The following CA2 variants were observed in gnomAD, a reference collection of about 807,000 sequenced individuals.
The protein encoded by CA2 is carbonate dehydratase II.
A neutral mutation model predicts 27.8 loss-of-function variants in CA2; 23 were observed. The observed-to-expected ratio is 0.83, with a 90% CI of 0.59 to 1.17. The LOEUF is 1.17. Ranked by LOEUF, CA2 falls within the 50% of genes most tolerant of loss-of-function variation. The pLI, the probability that CA2 is intolerant of heterozygous loss-of-function variation, is 0.00. For synonymous variants in CA2, 99 were observed against 114.9 expected (o/e 0.86, Z 0.88); for missense variants, 300 against 314.7 (o/e 0.95, Z 0.35).
intron 4 of CA2, among the ~76,000 whole-genome samples, chr8:85,475,371 TAAAAAAAAAAAAAA>T (rs3070396): frequency 4.8e-5 from 2 of 41,362 alleles, no homozygotes; most frequent in Non-Finnish European, 7.7e-5. Flanking sequence ...ACTCTGACTC[TAAAAAAAAAAAAAA>T]AAAAAAAAAA....
intron 6 of CA2, 24 bp downstream of exon 6, chr8:85,477,299 G>C (rs778516521): frequency 5.6e-6 from 9 of 1,613,744 alleles, no homozygotes; most frequent in African/African-American, 1.3e-5. Flanking sequence ...TGACAGGTCT[G>C]TTTACGGGTG....
chr8:85,472,134 G>T (rs1331987774), intron 2 of CA2, among the ~76,000 whole-genome samples: 1 of 152,198 alleles, frequency 6.6e-6, no homozygotes, highest in Admixed American at 6.5e-5. Flanking sequence ...TTGCTACCAT[G>T]TAAGGATATT....
chr8:85,478,763 C>T (rs913301072), intron 6 of CA2, among the ~76,000 whole-genome samples: 3 of 152,212 alleles, frequency 2.0e-5, no homozygotes, highest in Non-Finnish European at 4.4e-5. Context: ...GGATCATGCT[C>T]AGCTCAGGAA....
intron 6 of CA2, among the ~76,000 whole-genome samples, chr8:85,478,775 C>CT (rs2130566861): frequency 6.6e-6 from 1 of 152,314 alleles, no homozygotes; most frequent in Non-Finnish European, 1.5e-5. Flanking sequence ...GCTCAGGAAG[C>CT]TAGGGCTGCA....
At chr8:85,471,801 G>A (rs1298954148) in intron 2 of CA2, among the ~76,000 whole-genome samples, 1 of 151,640 alleles carries the variant, frequency 6.6e-6, no homozygotes, top group African/African-American at 2.4e-5. Context: ...ATGAAAAAAG[G>A]GAATTATTTC....
At chr8:85,473,841 G>C (rs751030020) in intron 3 of CA2, 30 bp downstream of exon 3, 1 of 1,208,010 alleles carries the variant, frequency 8.3e-7, no homozygotes, top group African/African-American at 1.5e-5. Context: ...TTCTTTCCAG[G>C]GAAAAATGTT....
Position 85,481,451 on chromosome 8 carries a change from T to G in CA2, c.*662T>G, listed in dbSNP as rs1811890484. 1.3e-5 allele frequency: 2 copies of G among 152,356 alleles called. No homozygotes were observed. Among genetic ancestry groups the G allele is most frequent in the Non-Finnish European group, 2.9e-5 (2 of 68,040 alleles). The allele number at this position is 152,356 out of a possible 1,614,324, so 9.4% of individuals were successfully genotyped here. A position where few individuals can be genotyped will look rare whatever the true frequency, so the allele number is the denominator to read the frequency against. ...AGACAATATATCATAACTTAATAAA[T>G]ATTGTATTTTAGATATATTCTCTAA... On this transcript the variant is annotated 3_prime_UTR_variant, in exon 7 of 7. Coordinates refer to ENST00000285379, the MANE Select transcript of CA2 (RefSeq NM_000067.3).
intron 4 of CA2, among the ~76,000 whole-genome samples, chr8:85,474,742 G>T (rs1490580838): frequency 6.6e-6 from 1 of 152,194 alleles, no homozygotes; most frequent in Admixed American, 6.5e-5. Flanking sequence ...GATAAAGTAA[G>T]ATCAGGTTCT....
chr8:85,474,721 T>C (rs931173595), intron 4 of CA2: 1 of 394,460 alleles, frequency 2.5e-6, no homozygotes, highest in Non-Finnish European at 4.8e-6. Flanking sequence ...GGCTAGACAG[T>C]ACTATATTAT....
At position 85,474,077 on chromosome 8, in the gene CA2, A is replaced by G. The variant is rs1157008479; in HGVS notation, c.352-247A>G. The G allele has an allele frequency of 1.3e-5, 8 of 606,778 alleles. No homozygotes were observed. The Admixed American group carries it at 2.1e-4, about 16-fold the overall frequency. The allele number at this position is 606,778 out of a possible 1,614,324, so 37.6% of individuals were successfully genotyped here. A position where few individuals can be genotyped will look rare whatever the true frequency, so the allele number is the denominator to read the frequency against. On this transcript the variant is annotated intron_variant, in intron 3 of 6. Coordinates refer to ENST00000285379, the MANE Select transcript of CA2 (RefSeq NM_000067.3). Reference sequence around the variant, plus strand: ...ATCCTGTTTTAACAGAAATTTAGAAATAAAATGTGTGCCTTCTGTCAAAAC... The same window carrying G: ...ATCCTGTTTTAACAGAAATTTAGAAGTAAAATGTGTGCCTTCTGTCAAAAC...
intron 2 of CA2, among the ~76,000 whole-genome samples, chr8:85,466,086 C>T (rs1234142465): frequency 6.9e-6 from 1 of 145,322 alleles, no homozygotes; most frequent in Non-Finnish European, 1.5e-5. Context: ...AACCAATTAC[C>T]GTATTTATTG....
At position 85,465,469 on chromosome 8, in the gene CA2, G is replaced by C. The variant is rs1421828995; in HGVS notation, c.232G>C (p.Val78Leu). 1.9e-6 allele frequency: 3 copies of C among 1,612,526 alleles called. No individual in the cohort carries two copies. In the South Asian group the frequency reaches 3.3e-5, roughly 18 times the overall value. The part of the protein sequence containing the change: ...VEFDDSQDKA[V>L]LKGGPLDGTY... ...GTTTGATGACTCTCAGGACAAAGCA[G>C]GTCAGTGTTTAGAAAATAACTTGTG... is the stretch of plus-strand genomic sequence containing the variant. Residue 78 changes from valine to leucine, a missense_variant and splice_region_variant, in exon 2 of 7, where the codon GTG becomes CTG. This residue lies in a region of CA2 where 122 missense variants were observed against 133.2 expected (regional missense o/e 0.92). Coordinates refer to ENST00000285379, the MANE Select transcript of CA2 (RefSeq NM_000067.3).
chr8:85,465,860 TAGTG>T (rs1251400012), intron 2 of CA2, among the ~76,000 whole-genome samples: 2 of 152,226 alleles, frequency 1.3e-5, no homozygotes, highest in African/African-American at 4.8e-5. Flanking sequence ...AAGTATATCT[TAGTG>T]AGCCTTATCT....
chr8:85,470,971 AT>A (rs1811706133), intron 2 of CA2, among the ~76,000 whole-genome samples: 1 of 152,120 alleles, frequency 6.6e-6, no homozygotes. Flanking sequence ...AATTTCTGCT[AT>A]TTTTTAAAAT....
chr8:85,475,150 T>G (rs1209507013), intron 4 of CA2, among the ~76,000 whole-genome samples: 1 of 151,854 alleles, frequency 6.6e-6, no homozygotes, highest in Non-Finnish European at 1.5e-5. Flanking sequence ...TCTACAAAAT[T>G]TTTTTAAAAA....
At chr8:85,476,716 C>T (rs548494063) in intron 5 of CA2, among the ~76,000 whole-genome samples, 4 of 152,140 alleles carry the variant, frequency 2.6e-5, no homozygotes, top group African/African-American at 9.6e-5. Flanking sequence ...TGATTCTGAC[C>T]TAGAGCAAGA....
chr8:85,472,069 C>T (rs974361851), intron 2 of CA2, among the ~76,000 whole-genome samples: 2 of 152,096 alleles, frequency 1.3e-5, no homozygotes, highest in African/African-American at 4.8e-5. Flanking sequence ...ACAGAAAGAC[C>T]CCACTGCTTA....
chr8:85,476,237 A>G (rs1185210503), intron 5 of CA2, among the ~76,000 whole-genome samples: 1 of 152,250 alleles, frequency 6.6e-6, no homozygotes, highest in African/African-American at 2.4e-5. Context: ...ACTAGTAGAC[A>G]CAATGGTGAA....
At chr8:85,475,974 G>T in intron 5 of CA2, 114 bp downstream of exon 5, 1 of 807,176 alleles carries the variant, frequency 1.2e-6, no homozygotes, top group South Asian at 1.4e-5. Flanking sequence ...GTGTTTGGAT[G>T]AGCAGTTAGT....
Sources: gnomAD v4.1 joint callset for allele counts (sites outside exome capture counted in the v4.1 genomes callset) on GRCh38, gnomAD v4.1.1 for gene constraint, gnomAD v4.1.1 regional missense constraint, MANE v1.5 for transcripts, NCBI Gene and HGNC (gene_info 2026-07-23, HGNC 2026-07-21) for gene names.